YIPF7: variants seen among roughly 807,000 people sequenced by gnomAD.
The protein encoded by YIPF7 is Yip1 domain family member 7.
In YIPF7, 35 loss-of-function variants were observed where a neutral mutation model predicts 27.2. The ratio of observed to expected loss-of-function variants is 1.29; its 90% CI spans 0.98 to 1.70. The LOEUF is 1.70. Among genes scored for constraint, YIPF7 ranks in the 40% most tolerant of loss-of-function variants. The pLI is 0.00. For missense variants in YIPF7, 358 were observed against 303.7 expected (o/e 1.18, Z -1.33); for synonymous variants, 137 against 110.4 (o/e 1.24, Z -1.51).
At chr4:44,640,173 T>G (rs1426405402) in intron 2 of YIPF7, among the ~76,000 whole-genome samples, 1 of 152,176 alleles carries the variant, frequency 6.6e-6, no homozygotes, top group Non-Finnish European at 1.5e-5. Flanking sequence ...CCTTGTCTGG[T>G]TTTGGTATCA....
At chr4:44,638,075 A>G (rs1713194357) in intron 2 of YIPF7, among the ~76,000 whole-genome samples, 1 of 152,210 alleles carries the variant, frequency 6.6e-6, no homozygotes, top group African/African-American at 2.4e-5. Context: ...TAAATGGCCA[A>G]GAAACGTGAA....
At chr4:44,640,044 C>T (rs746656342) in intron 2 of YIPF7, among the ~76,000 whole-genome samples, 12 of 152,116 alleles carry the variant, frequency 7.9e-5, no homozygotes, top group Non-Finnish European at 1.2e-4. Context: ...ATAAAACCTA[C>T]TAAATCATGG....
Position 44,622,446 on chromosome 4 carries a change from A to T in YIPF7, c.739T>A (p.Tyr247Asn). ...ATTGTTAGGAGGGCAAAAAGTCCAT[A>T]AAGTATGGCACAAGGGTAGGCAACA... is the stretch of plus-strand genomic sequence containing the variant. ...LLVAYPCAIL[Y>N]GLFALLTIF Residue 247 changes from tyrosine (Y) to asparagine (N), a missense_variant, in exon 6 of 6, where the codon TAT (tyrosine) becomes AAT (asparagine). Tyr to Asn is a moderately radical substitution (Grantham distance 143). Coordinates refer to ENST00000415895, the MANE Select transcript of YIPF7 (RefSeq NM_182592.3). The T allele has an allele frequency of 1.2e-6, 2 of 1,613,642 alleles. No homozygotes were observed. The highest frequency in any genetic ancestry group is 1.7e-6 in the Non-Finnish European group (2 of 1,179,730).
chr4:44,638,742 G>A (rs1238972636), intron 2 of YIPF7, among the ~76,000 whole-genome samples: 1 of 151,926 alleles, frequency 6.6e-6, no homozygotes, highest in Non-Finnish European at 1.5e-5. Context: ...ATGCTTTTGA[G>A]GTCTTAGTCA....
chr4:44,653,176 T>A (rs1713787125), upstream of YIPF7, among the ~76,000 whole-genome samples: 1 of 152,040 alleles, frequency 6.6e-6, no homozygotes, highest in Non-Finnish European at 1.5e-5. Context: ...AAAGCCAATG[T>A]TGCTAGGGAT....
chr4:44,629,965 C>A (rs970851584), intron 3 of YIPF7, among the ~76,000 whole-genome samples: 2 of 152,056 alleles, frequency 1.3e-5, no homozygotes, highest in African/African-American at 4.8e-5. Context: ...CCTTTTCCTG[C>A]ATTTTCTGTT....
chr4:44,623,946 T>C (rs1336527274), intron 5 of YIPF7, among the ~76,000 whole-genome samples: 1 of 152,174 alleles, frequency 6.6e-6, no homozygotes, highest in Non-Finnish European at 1.5e-5. Flanking sequence ...ACCAGGCACT[T>C]ACTCTTCCAA....
At chr4:44,660,748 C>G (rs1714026122) in intron 1 of YIPF7, 1 of 152,120 alleles carries the variant, frequency 6.6e-6, no homozygotes, top group African/African-American at 2.4e-5. Context: ...TACATTGCAT[C>G]TGAGACCAAG....
chr4:44,624,055 T>G (rs1712532267), intron 5 of YIPF7, among the ~76,000 whole-genome samples: 1 of 146,002 alleles, frequency 6.8e-6, no homozygotes, highest in Non-Finnish European at 1.5e-5. Flanking sequence ...TTTTTTTCTC[T>G]CTCTCTTTTT....
chr4:44,658,739 G>A (rs962161011), intron 2 of YIPF7, among the ~76,000 whole-genome samples: 4 of 152,172 alleles, frequency 2.6e-5, no homozygotes, highest in Admixed American at 6.5e-5. Context: ...TGGAAGGTGA[G>A]AGGCACATTT....
At chr4:44,630,550 T>C (rs1712849839) in intron 3 of YIPF7, among the ~76,000 whole-genome samples, 1 of 152,224 alleles carries the variant, frequency 6.6e-6, no homozygotes, top group Non-Finnish European at 1.5e-5. Flanking sequence ...AAAGATTAAA[T>C]TCTTGAGACG....
At chr4:44,649,959 A>T in intron 2 of YIPF7, 26 bp downstream of exon 2, 2 of 1,314,342 alleles carry the variant, frequency 1.5e-6, no homozygotes, top group Non-Finnish European at 2.1e-6. Flanking sequence ...GTCAAAAAAA[A>T]AAAAAGAAAA....
chr4:44,638,344 T>C (rs1038022428), intron 2 of YIPF7, among the ~76,000 whole-genome samples: 2 of 151,476 alleles, frequency 1.3e-5, no homozygotes, highest in Admixed American at 6.6e-5. Flanking sequence ...CAGTCATGAG[T>C]GCATGTACCA....
intron 2 of YIPF7, among the ~76,000 whole-genome samples, chr4:44,644,645 T>G (rs961372818): frequency 6.6e-5 from 10 of 152,156 alleles, no homozygotes; most frequent in Non-Finnish European, 1.3e-4. Context: ...ACTTTGGACT[T>G]GGACTTTTGA....
At chr4:44,653,075 T>G (rs1577745479), upstream of YIPF7, among the ~76,000 whole-genome samples, 2 of 152,066 alleles carry the variant, frequency 1.3e-5, no homozygotes, top group South Asian at 4.1e-4. Flanking sequence ...TGGATGATAA[T>G]GAAGAAGTCG....
At chr4:44,635,262 C>T (rs1713074853) in intron 3 of YIPF7, among the ~76,000 whole-genome samples, 1 of 151,770 alleles carries the variant, frequency 6.6e-6, no homozygotes. Flanking sequence ...AGAGCAAAAA[C>T]AGCACATACA....
In YIPF7 at chr4:44,636,026, G is replaced by A. The variant is rs1318018588; in HGVS notation, c.176C>T (p.Ser59Leu). The A allele has an allele frequency of 1.2e-6, 2 of 1,613,754 alleles. No individual in the cohort carries two copies. The highest frequency in any genetic ancestry group is 1.7e-6 in the Non-Finnish European group (2 of 1,179,824). Residue 59 changes from serine (S) to leucine (L), a missense_variant, in exon 3 of 6, where the codon TCA becomes TTA. Transcript: ENST00000415895. ...AAAAAATTGTCCTGCGTAACCCGAT[G>A]ACATGAGCATCTCTGATGGAACAAA... is the stretch of plus-strand genomic sequence containing the variant. ...ASFVPSEMLMSSGYAGQFFQP... is the reference protein window; with the variant it reads ...ASFVPSEMLMLSGYAGQFFQP...
chr4:44,652,597 C>T (rs907762078), upstream of YIPF7, among the ~76,000 whole-genome samples: 6 of 152,190 alleles, frequency 3.9e-5, no homozygotes, highest in African/African-American at 1.4e-4. Flanking sequence ...ATCACAGCTG[C>T]CCTTCTTACA....
intron 5 of YIPF7, among the ~76,000 whole-genome samples, chr4:44,623,518 G>C (rs188295083): frequency 3.9e-5 from 6 of 152,254 alleles, no homozygotes; most frequent in Admixed American, 3.3e-4. Flanking sequence ...TTTATTATTT[G>C]TGAAAATGAT....
Sources: allele counts gnomAD v4.1 joint callset (sites outside exome capture counted in the v4.1 genomes callset), GRCh38; gene constraint gnomAD v4.1.1; transcripts MANE v1.5; gene names NCBI Gene and HGNC (gene_info 2026-07-23, HGNC 2026-07-21).